The following NF2 variants were observed in gnomAD, a reference collection of about 807,000 sequenced individuals.
The protein encoded by NF2 is NF2, moesin-ezrin-radixin like (MERLIN) tumor suppressor.
In NF2, 8 loss-of-function variants were observed where a neutral mutation model predicts 83.7. The ratio of observed to expected loss-of-function variants is 0.10; its 90% CI spans 0.06 to 0.17. NF2 has a LOEUF of 0.17. Among genes scored for constraint, NF2 ranks in the 10% least tolerant of loss-of-function variants. The pLI, the probability that NF2 is intolerant of heterozygous loss-of-function variation, is 1.00. For missense variants in NF2, 533 were observed against 744.4 expected, an observed-to-expected ratio of 0.72 and a Z score of 3.31; for synonymous variants, 266 against 269.6, an observed-to-expected ratio of 0.99 and a Z score of 0.13.
At chr22:29,631,133 CT>C (rs2065499750) in intron 1 of NF2, among the ~76,000 whole-genome samples, 1 of 152,180 alleles carries the variant, frequency 6.6e-6, no homozygotes, top group African/African-American at 2.4e-5. Context: ...ATATTCAGTA[CT>C]GCATTGAACA....
At chr22:29,673,226 C>G (rs2066856649) in intron 11 of NF2, 43 bp from the exon 12 acceptor site, 7 of 1,544,298 alleles carry the variant, frequency 4.5e-6, no homozygotes, top group Non-Finnish European at 6.1e-6. Context: ...GGCGGGAGAA[C>G]AGCACATGAT....
chr22:29,680,857 A>G (rs1467385676), intron 14 of NF2, among the ~76,000 whole-genome samples: 1 of 151,978 alleles, frequency 6.6e-6, no homozygotes, highest in Non-Finnish European at 1.5e-5. Flanking sequence ...ATCCTATAAA[A>G]AAAAAAAAGA....
chr22:29,671,484 G>A (rs1306799973), intron 10 of NF2, among the ~76,000 whole-genome samples: 36 of 152,202 alleles, frequency 2.4e-4, no homozygotes, highest in Admixed American at 2.6e-4. Context: ...AGCCGAGATC[G>A]CGCCACTGCA....
chr22:29,652,378 C>T (rs1196227120), intron 4 of NF2, among the ~76,000 whole-genome samples: 1 of 152,178 alleles, frequency 6.6e-6, no homozygotes, highest in African/African-American at 2.4e-5. Flanking sequence ...GATCTTGGCT[C>T]ACTGCAACCT....
At chr22:29,633,774 T>C (rs1201719470) in intron 1 of NF2, among the ~76,000 whole-genome samples, 1 of 152,222 alleles carries the variant, frequency 6.6e-6, no homozygotes, top group Non-Finnish European at 1.5e-5. Context: ...CTCTCCTGCA[T>C]CTAACTCTCA....
intron 1 of NF2, among the ~76,000 whole-genome samples, chr22:29,605,228 C>T (rs1442140080): frequency 1.3e-5 from 2 of 150,618 alleles, no homozygotes; most frequent in Admixed American, 6.7e-5. Context: ...TGCAATGGCG[C>T]GATCTTGTCT....
intron 15 of NF2, among the ~76,000 whole-genome samples, chr22:29,692,076 G>T (rs1601684744): frequency 6.6e-6 from 1 of 152,308 alleles, no homozygotes; most frequent in South Asian, 2.1e-4. Context: ...GGCGGCAGCA[G>T]CCAGGTCTGT....
chr22:29,628,872 C>T (rs548572314), intron 1 of NF2, among the ~76,000 whole-genome samples: 121 of 152,112 alleles, frequency 8.0e-4, no homozygotes, highest in Non-Finnish European at 1.3e-3. Flanking sequence ...CTCAGGTGAT[C>T]CACCTGTCTC....
At chr22:29,675,092 A>T (rs1210008284) in intron 13 of NF2, 151 bp downstream of exon 13, 1 of 670,438 alleles carries the variant, frequency 1.5e-6, no homozygotes. Context: ...GCAGTTAGGG[A>T]CTGGGTAGAA....
chr22:29,655,828 AC>A (rs1296675841), intron 6 of NF2, 152 bp downstream of exon 6: 14 of 688,040 alleles, frequency 2.0e-5, no homozygotes, highest in Non-Finnish European at 3.1e-5. Context: ...GCTGGGAGTA[AC>A]GTTGGTCTTC....
At chr22:29,685,608 C>T (rs756142687) in intron 15 of NF2, among the ~76,000 whole-genome samples, 9 of 151,600 alleles carry the variant, frequency 5.9e-5, no homozygotes, top group Non-Finnish European at 8.8e-5. Flanking sequence ...AGATGGGTTT[C>T]GCCATGTTTC....
At chr22:29,669,532 A>AAAAT (rs1455842155) in intron 10 of NF2, among the ~76,000 whole-genome samples, 3 of 152,342 alleles carry the variant, frequency 2.0e-5, no homozygotes, top group East Asian at 1.9e-4. Context: ...ACAAAATACC[A>AAAAT]AAATAAATAA....
At chr22:29,605,710 C>T (rs1419120765) in intron 1 of NF2, among the ~76,000 whole-genome samples, 1 of 152,182 alleles carries the variant, frequency 6.6e-6, no homozygotes, top group Admixed American at 6.5e-5. Context: ...TCTACAAATT[C>T]GGTAAGAAAG....
intron 4 of NF2, among the ~76,000 whole-genome samples, chr22:29,653,445 A>C (rs2066211820): frequency 3.5e-5 from 2 of 56,364 alleles, no homozygotes; most frequent in Admixed American, 1.7e-4. Flanking sequence ...CTCTGTCTCA[A>C]AAAAAAAAAA....
rs1041530860 is a variant in NF2, at chr22:29,636,068, T to C, written c.115-683T>C. ...CTTCAGGTTCTTTTGAAAGTGAGGC[T>C]ATAGGATAAACACACTACAGTATAT... is the stretch of plus-strand genomic sequence containing the variant. On this transcript the variant is annotated intron_variant, in intron 1 of 15. Transcript: ENST00000338641. The surrounding 1 kb of genome is among the most constrained non-coding windows in gnomAD (Gnocchi z 4.4). Among the ~76,000 whole-genome samples the C allele has an allele frequency of 6.6e-6, 1 of 152,204 alleles. No individual in the cohort carries two copies. The highest frequency in any genetic ancestry group is 2.4e-5 in the African/African-American group (1 of 41,460).
At chr22:29,687,889 G>T (rs2067306350) in intron 15 of NF2, among the ~76,000 whole-genome samples, 1 of 152,212 alleles carries the variant, frequency 6.6e-6, no homozygotes, top group East Asian at 1.9e-4. Context: ...GTGGCGATCT[G>T]AACTCTTCCT....
At chr22:29,681,297 G>A in intron 14 of NF2, 142 bp from the exon 15 acceptor site, 2 of 910,130 alleles carry the variant, frequency 2.2e-6, no homozygotes, top group Non-Finnish European at 3.6e-6. Flanking sequence ...AGCTCCCATG[G>A]CCTGTGAGTG....
intron 3 of NF2, among the ~76,000 whole-genome samples, chr22:29,641,600 G>C (rs1175978687): frequency 6.6e-6 from 1 of 152,136 alleles, no homozygotes; most frequent in Non-Finnish European, 1.5e-5. Context: ...ATCCCAAGTT[G>C]CACCATTCTA....
intron 1 of NF2, among the ~76,000 whole-genome samples, chr22:29,616,356 C>T (rs1054006705): frequency 6.6e-6 from 1 of 152,064 alleles, no homozygotes; most frequent in Non-Finnish European, 1.5e-5. Flanking sequence ...AAACCTTAGG[C>T]AAAATGTAAA....
Sources: gnomAD v4.1 joint callset for allele counts (sites outside exome capture counted in the v4.1 genomes callset) on GRCh38, gnomAD v4.1.1 for gene constraint, Gnocchi (gnomAD v3.1) non-coding constraint, MANE v1.5 for transcripts, NCBI Gene and HGNC (gene_info 2026-07-23, HGNC 2026-07-21) for gene names.